ARMH4: variants seen among roughly 807,000 people sequenced by gnomAD.
ARMH4 encodes armadillo-like helical domain-containing protein 4.
In ARMH4, 49 loss-of-function variants were observed where a neutral mutation model predicts 61.9. The ratio of observed to expected loss-of-function variants is 0.79; its 90% CI spans 0.63 to 1.00. ARMH4 has a LOEUF of 1.00. ARMH4 is among the 50% of genes least tolerant of loss of function. ARMH4 has a pLI of 0.00. For synonymous variants in ARMH4, 368 were observed against 341.5 expected, an observed-to-expected ratio of 1.08 and a Z score of -0.85; for missense variants, 934 against 930.0, an observed-to-expected ratio of 1.00 and a Z score of -0.06.
At chr14:58,047,950 G>A (rs779980247) in intron 5 of ARMH4, among the ~76,000 whole-genome samples, 5 of 152,126 alleles carry the variant, frequency 3.3e-5, no homozygotes, top group Non-Finnish European at 5.9e-5. Context: ...AGGAAACCAG[G>A]CAAGTGAGCA....
At chr14:58,107,509 T>C (rs1159245404) in intron 4 of ARMH4, among the ~76,000 whole-genome samples, 5 of 152,186 alleles carry the variant, frequency 3.3e-5, no homozygotes, top group Non-Finnish European at 7.4e-5. Flanking sequence ...CTCACGGCTG[T>C]AATCCCAGCA....
chr14:58,019,486 G>A (rs1882736907), intron 5 of ARMH4, among the ~76,000 whole-genome samples: 1 of 152,090 alleles, frequency 6.6e-6, no homozygotes. Flanking sequence ...GCACCCTCTT[G>A]TGTATACGAG....
chr14:58,103,088 G>A lies in ARMH4; in HGVS notation c.1832-6107C>T, dbSNP rs773707601. ...GTGGAGGTTGCAGTGAGCCGAGATC[G>A]CACCATTGCACTCCAGCCTGGGCAA... On this transcript the variant is annotated intron_variant, in intron 4 of 7. Transcript: ENST00000267485. 2.6e-4 allele frequency among the ~76,000 whole-genome samples: 40 copies of A among 151,120 alleles called. 1 individual carries two copies. Among genetic ancestry groups the A allele is most frequent in the Non-Finnish European group, 4.7e-4 (32 of 67,888 alleles).
At chr14:58,116,759 G>A (rs930945048) in intron 4 of ARMH4, among the ~76,000 whole-genome samples, 3 of 152,018 alleles carry the variant, frequency 2.0e-5, no homozygotes, top group African/African-American at 4.8e-5. Context: ...CTTGACAATG[G>A]CATTGCCTAT....
rs74366881 is a variant in ARMH4 at position 58,007,771 on chromosome 14, T to G, written c.2122-2589A>C. On this transcript the variant is annotated intron_variant, in intron 6 of 7. Transcript: ENST00000267485. ...CTGTCCAAATTATTGCATATACACA[T>G]GCCCCGAGATGTGACACCTTGAGAA... Among the ~76,000 whole-genome samples, 4 of 152,210 alleles carry G rather than the reference T, an allele frequency of 2.6e-5. No individual in the cohort carries two copies. The East Asian group carries it at 7.7e-4, about 29-fold the overall frequency.
chr14:58,008,982 A>G (rs531839660), intron 6 of ARMH4, among the ~76,000 whole-genome samples: 2 of 152,360 alleles, frequency 1.3e-5, no homozygotes, highest in South Asian at 4.1e-4. Flanking sequence ...AGATATACTA[A>G]TGGGTAGCCA....
chr14:58,044,152 G>A (rs1883837169), intron 5 of ARMH4, among the ~76,000 whole-genome samples: 1 of 152,060 alleles, frequency 6.6e-6, no homozygotes, highest in Non-Finnish European at 1.5e-5. Flanking sequence ...AGCCCGCATT[G>A]CCAAATCAAT....
chr14:58,102,899 C>T (rs1886048215), intron 4 of ARMH4, among the ~76,000 whole-genome samples: 1 of 150,854 alleles, frequency 6.6e-6, no homozygotes, highest in Non-Finnish European at 1.5e-5. Flanking sequence ...TTTGGGAGGC[C>T]AAGGCAGGCA....
chr14:58,107,763 CAAAAAAAAA>C (rs34507217), intron 4 of ARMH4, among the ~76,000 whole-genome samples: 6 of 97,366 alleles, frequency 6.2e-5, no homozygotes, highest in African/African-American at 2.0e-4. Flanking sequence ...GACTCCATCT[CAAAAAAAAA>C]AAAAAAAAAA....
At chr14:58,096,649 T>C (rs2141263403) in intron 5 of ARMH4, 75 bp downstream of exon 5, 1 of 1,502,140 alleles carries the variant, frequency 6.7e-7, no homozygotes, top group Non-Finnish European at 9.0e-7. Context: ...TAGATGGCAA[T>C]GAAAGAAGGC....
intron 4 of ARMH4, among the ~76,000 whole-genome samples, chr14:58,098,499 C>T (rs929385895): frequency 5.3e-5 from 8 of 152,172 alleles, no homozygotes; most frequent in South Asian, 2.1e-4. Context: ...AGATAGAAAA[C>T]GCCAGGCACT....
intron 5 of ARMH4, among the ~76,000 whole-genome samples, chr14:58,054,869 CAA>C (rs72336341): frequency 1.2e-4 from 13 of 104,130 alleles, no homozygotes; most frequent in African/African-American, 3.7e-4. Flanking sequence ...GACTCTGTCT[CAA>C]AAAAAAAAAA....
intron 5 of ARMH4, among the ~76,000 whole-genome samples, chr14:58,088,963 G>A (rs1425676616): frequency 6.6e-6 from 1 of 152,040 alleles, no homozygotes; most frequent in African/African-American, 2.4e-5. Flanking sequence ...CAGTAGATTC[G>A]GTTTAAGACA....
chr14:58,058,309 T>C (rs1201400710), intron 5 of ARMH4, among the ~76,000 whole-genome samples: 3 of 152,206 alleles, frequency 2.0e-5, no homozygotes, highest in African/African-American at 7.2e-5. Context: ...AGGGGAAAAG[T>C]CTGTACATAT....
chr14:58,014,133 G>A lies in ARMH4; in HGVS notation c.2090-1983C>T, dbSNP rs545214175. Among the ~76,000 whole-genome samples, 9 of 152,254 alleles carry A rather than the reference G, an allele frequency of 5.9e-5. No homozygotes were observed. In the East Asian group the frequency reaches 1.2e-3, roughly 20 times the overall value. On this transcript the variant is annotated intron_variant, in intron 5 of 7. Transcript: ENST00000267485. ...CTTTTGGTGATACTACCACTGTTCTGCTCCTTCAAGTTGAAAATGTGAAGC... is the reference window on the plus strand; with the variant it reads ...CTTTTGGTGATACTACCACTGTTCTACTCCTTCAAGTTGAAAATGTGAAGC...
intron 4 of ARMH4, among the ~76,000 whole-genome samples, chr14:58,102,447 G>A (rs530158685): frequency 6.6e-6 from 1 of 152,254 alleles, no homozygotes; most frequent in East Asian, 1.9e-4. Flanking sequence ...GTACAAGTAA[G>A]TTAAAGATCT....
rs150705257 is a variant in ARMH4, at chr14:58,067,588, G to A, written c.2089+29136C>T. Reference sequence around the variant, plus strand: ...TTCTGTGGCTTCCAAGTGTTTGTGCGGTCTGCTCCAAAAAAGAGTTCTTTA... The same window carrying A: ...TTCTGTGGCTTCCAAGTGTTTGTGCAGTCTGCTCCAAAAAAGAGTTCTTTA... On this transcript the variant is annotated intron_variant, in intron 5 of 7. Transcript: ENST00000267485. 4.1e-3 allele frequency among the ~76,000 whole-genome samples: 618 copies of A among 152,262 alleles called. 8 individuals carry two copies. Among genetic ancestry groups the A allele is most frequent in the African/African-American group, 0.014 (581 of 41,548 alleles).
At chr14:58,118,430 G>C (rs1468209177) in intron 4 of ARMH4, among the ~76,000 whole-genome samples, 1 of 151,024 alleles carries the variant, frequency 6.6e-6, no homozygotes, top group Non-Finnish European at 1.5e-5. Flanking sequence ...CGTATGCAGG[G>C]GGTAGGGGCT....
intron 5 of ARMH4, among the ~76,000 whole-genome samples, chr14:58,090,537 T>TA (rs1248100971): frequency 6.6e-6 from 1 of 152,010 alleles, no homozygotes; most frequent in African/African-American, 2.4e-5. Context: ...AGCAGGGGCA[T>TA]GATATAGTCT....
Sources: allele counts gnomAD v4.1 joint callset (sites outside exome capture counted in the v4.1 genomes callset), GRCh38; gene constraint gnomAD v4.1.1; transcripts MANE v1.5; gene names NCBI Gene and HGNC (gene_info 2026-07-23, HGNC 2026-07-21).